NYAP2: variants seen among roughly 807,000 people sequenced by gnomAD.
NYAP2 encodes the protein neuronal tyrosine-phosphorylated phosphoinositide-3-kinase adaptor 2, also known as neuronal tyrosine-phosphorylated phosphoinositide-3-kinase adapter 2.
NYAP2 carries 23 observed loss-of-function variants against 50.4 expected under a neutral mutation model. That is an observed-to-expected ratio of 0.46 (90% CI 0.33 to 0.65). NYAP2 has a LOEUF of 0.65. Among genes scored for constraint, NYAP2 ranks in the 30% least tolerant of loss-of-function variants. NYAP2 has a pLI of 0.02. For missense variants in NYAP2, 885 were observed against 861.0 expected (o/e 1.03, Z -0.35); for synonymous variants, 394 against 365.2 (o/e 1.08, Z -0.90).
At chr2:225,636,580 A>T (rs1386693545) in intron 6 of NYAP2, among the ~76,000 whole-genome samples, 1 of 151,964 alleles carries the variant, frequency 6.6e-6, no homozygotes, top group Non-Finnish European at 1.5e-5. Flanking sequence ...TGCTATAAAG[A>T]CACATGCACA....
Position 225,564,829 on chromosome 2 carries a change from G to A in NYAP2, c.524-17112G>A, listed in dbSNP as rs186869196. On this transcript the variant is annotated intron_variant, in intron 4 of 6. Coordinates refer to ENST00000636099, the Ensembl canonical transcript of NYAP2. ...GAAAATAACTCACCAATGTAATTTT[G>A]TAAAACCTAAGGGATATATCTATGG... Among the ~76,000 whole-genome samples the A allele has an allele frequency of 2.6e-5, 4 of 152,038 alleles. No homozygotes were observed. In the East Asian group the frequency reaches 5.8e-4, roughly 22 times the overall value.
chr2:225,666,126 T>G, the NYAP2 span, among the ~76,000 whole-genome samples: 1 of 152,092 alleles, frequency 6.6e-6, no homozygotes, highest in Non-Finnish European at 1.5e-5. Flanking sequence ...CCAATTTACC[T>G]TTTTCTTCTC....
intron 5 of NYAP2, among the ~76,000 whole-genome samples, chr2:225,616,999 G>A (rs182620786): frequency 2.3e-4 from 35 of 152,298 alleles, no homozygotes; most frequent in African/African-American, 7.9e-4. Context: ...ATGCCAATAT[G>A]AAGCAACAAC....
chr2:225,443,846 T>G (rs531756655), intron 3 of NYAP2, among the ~76,000 whole-genome samples: 24 of 152,350 alleles, frequency 1.6e-4, no homozygotes, highest in African/African-American at 5.8e-4. Flanking sequence ...GAGACACCTG[T>G]CAAGACTTAT....
At chr2:225,664,995 A>G in the NYAP2 span, among the ~76,000 whole-genome samples, 1 of 152,216 alleles carries the variant, frequency 6.6e-6, no homozygotes, top group African/African-American at 2.4e-5. Context: ...AAGGCAGAAC[A>G]TGAACTATGA....
intron 3 of NYAP2, among the ~76,000 whole-genome samples, chr2:225,435,170 C>CT (rs1423188264): frequency 6.6e-6 from 1 of 152,162 alleles, no homozygotes; most frequent in Non-Finnish European, 1.5e-5. Context: ...ATATCCCAGA[C>CT]AGTTGCTATT....
At chr2:225,593,689 A>G (rs1197712282) in intron 5 of NYAP2, among the ~76,000 whole-genome samples, 1 of 152,174 alleles carries the variant, frequency 6.6e-6, no homozygotes, top group East Asian at 1.9e-4. Context: ...TCATCATTTT[A>G]CTTTTTGTAA....
intron 4 of NYAP2, among the ~76,000 whole-genome samples, chr2:225,574,961 C>T (rs1474956595): frequency 6.6e-6 from 1 of 152,112 alleles, no homozygotes; most frequent in Non-Finnish European, 1.5e-5. Context: ...GTCTTCATGG[C>T]AAACACTGCA....
At chr2:225,540,638 T>C (rs1691449349) in intron 4 of NYAP2, among the ~76,000 whole-genome samples, 2 of 152,214 alleles carry the variant, frequency 1.3e-5, no homozygotes, top group African/African-American at 2.4e-5. Context: ...TCAGGCTGAA[T>C]AGTATTCCAT....
chr2:225,475,863 G>T (rs1414187016), intron 3 of NYAP2, among the ~76,000 whole-genome samples: 1 of 152,136 alleles, frequency 6.6e-6, no homozygotes, highest in African/African-American at 2.4e-5. Context: ...GGCAGTAGTG[G>T]TTCTGGAGAA....
At chr2:225,614,215 T>C (rs1224243032) in intron 5 of NYAP2, among the ~76,000 whole-genome samples, 1 of 152,194 alleles carries the variant, frequency 6.6e-6, no homozygotes, top group Non-Finnish European at 1.5e-5. Context: ...TTTTAATTCA[T>C]TCTTATTTGT....
intron 3 of NYAP2, among the ~76,000 whole-genome samples, chr2:225,496,071 A>G (rs569833330): frequency 6.6e-6 from 1 of 152,344 alleles, no homozygotes; most frequent in South Asian, 2.1e-4. Flanking sequence ...TGCATTTAGG[A>G]AGACAAGATT....
downstream of NYAP2, among the ~76,000 whole-genome samples, chr2:225,654,461 T>C (rs1693792428): frequency 6.6e-6 from 1 of 152,106 alleles, no homozygotes; most frequent in South Asian, 2.1e-4. Flanking sequence ...GGCAGGTGGA[T>C]CACCTGACTT....
At chr2:225,702,503 TC>T in the NYAP2 span, 1 of 151,684 alleles carries the variant, frequency 6.6e-6, no homozygotes, top group African/African-American at 2.4e-5. Flanking sequence ...TATGGCATTC[TC>T]TTTTTTTTCA....
At chr2:225,508,361 T>C (rs1299274140) in intron 3 of NYAP2, among the ~76,000 whole-genome samples, 2 of 152,180 alleles carry the variant, frequency 1.3e-5, no homozygotes, top group African/African-American at 4.8e-5. Flanking sequence ...ATGACCTATT[T>C]TCACAGGCAT....
At chr2:225,610,569 G>T (rs1379581241) in intron 5 of NYAP2, among the ~76,000 whole-genome samples, 1 of 152,108 alleles carries the variant, frequency 6.6e-6, no homozygotes, top group Non-Finnish European at 1.5e-5. Context: ...GTAAATACAT[G>T]TAAATAATTG....
intron 5 of NYAP2, among the ~76,000 whole-genome samples, chr2:225,597,260 T>C (rs556171789): frequency 6.6e-6 from 1 of 151,742 alleles, no homozygotes; most frequent in East Asian, 2.0e-4. Context: ...CAGTATACAT[T>C]GTACCCAATT....
rs149175182 is a variant in NYAP2 at position 225,622,518 on chromosome 2, C to CTTTCTTTCT, written c.1619-4397_1619-4396insTCTTTCTTT. Among the ~76,000 whole-genome samples, 20 of 70,416 alleles carry CTTTCTTTCT rather than the reference C, an allele frequency of 2.8e-4. 1 individual carries two copies. Among genetic ancestry groups the CTTTCTTTCT allele is most frequent in the Admixed American group, 1.5e-3 (7 of 4,712 alleles). The allele number at this position is 70,416 out of a possible 152,430, so 46.2% of individuals were successfully genotyped here. ...TTTTATTTCTTTTCTTTCTTTCTTT[C>CTTTCTTTCT]TTCTTTCTTTCTTTCTTTCTTTCTT... On this transcript the variant is annotated intron_variant, in intron 5 of 6. Coordinates refer to ENST00000636099, the Ensembl canonical transcript of NYAP2.
At chr2:225,673,296 G>T in the NYAP2 span, among the ~76,000 whole-genome samples, 1 of 152,202 alleles carries the variant, frequency 6.6e-6, no homozygotes, top group East Asian at 1.9e-4. Context: ...TTGGTTTGGA[G>T]ATCTGGTTTG....
Sources: gnomAD v4.1 joint callset for allele counts (sites outside exome capture counted in the v4.1 genomes callset) on GRCh38, gnomAD v4.1.1 for gene constraint, MANE v1.5 for transcripts, NCBI Gene and HGNC (gene_info 2026-07-23, HGNC 2026-07-21) for gene names.